Variants in USP34 observed in about 807,000 individuals in gnomAD.
USP34 encodes ubiquitin specific peptidase 34.
USP34 carries 70 observed loss-of-function variants against 460.3 expected under a neutral mutation model. The ratio of observed to expected loss-of-function variants is 0.15; its 90% CI spans 0.13 to 0.19. USP34 has a LOEUF of 0.19. Ranked by LOEUF, USP34 falls within the 10% of genes least tolerant of loss-of-function variation. The probability of loss-of-function intolerance (pLI) is 1.00; values close to 1 mark genes in which losing one functional copy is unlikely to be tolerated. For missense variants in USP34, 3,985 were observed against 4,236.2 expected, an observed-to-expected ratio of 0.94 and a Z score of 1.65; for synonymous variants, 1,647 against 1,405.3, an observed-to-expected ratio of 1.17 and a Z score of -3.85.
chr2:61,339,487 A>G lies in USP34; in HGVS notation c.2617-9T>C. 6.4e-7 allele frequency: 1 copy of G among 1,562,286 alleles called. No individual in the cohort carries two copies. The highest frequency in any genetic ancestry group is 8.6e-7 in the Non-Finnish European group (1 of 1,156,884). On this transcript the variant is annotated splice_polypyrimidine_tract_variant and intron_variant, in intron 17 of 79. Coordinates refer to ENST00000398571, the MANE Select transcript of USP34 (RefSeq NM_014709.4). ...CCTTCAGAAAGATTAACCTATAAAA[A>G]ATGTATATAAAATTACTATTTATCC...
rs1690697565 is a variant in USP34, at chr2:61,314,914, G to A, written c.3343C>T (p.Arg1115Ter). ...ALRAQSGDVS[R>*]AAIQYINSYY... ...GAGTTAATATACTGGATAGCTGCTC[G>A]ACTGACATCACCAGATTGTGCTCTT... The change falls in exon 24 of 80, where the codon CGA (arginine) becomes TGA (stop). Residue 1115 changes from arginine (R) to a stop codon, truncating the protein, a stop_gained. Coordinates refer to ENST00000398571, the MANE Select transcript of USP34 (RefSeq NM_014709.4). LOFTEE classifies it high-confidence loss of function. 1 of 1,613,566 alleles carries A rather than the reference G, an allele frequency of 6.2e-7. No individual in the cohort carries two copies.
chr2:61,283,499 A>C (rs1271551467), intron 35 of USP34, 50 bp from the exon 36 acceptor site: 1 of 1,551,794 alleles, frequency 6.4e-7, no homozygotes, highest in Non-Finnish European at 8.7e-7. Context: ...CAATGAATTA[A>C]AAATAATTCA....
At chr2:61,331,622 CTAATT>C (rs1691266025) in intron 19 of USP34, among the ~76,000 whole-genome samples, 1 of 151,872 alleles carries the variant, frequency 6.6e-6, no homozygotes, top group Non-Finnish European at 1.5e-5. Flanking sequence ...TTATCAATGA[CTAATT>C]TGAGTTAATA....
chr2:61,283,012 A>T (rs1158537296), intron 37 of USP34, 133 bp downstream of exon 37: 1 of 865,746 alleles, frequency 1.2e-6, no homozygotes, highest in Non-Finnish European at 1.7e-6. Flanking sequence ...TCTAGACCTT[A>T]AAGGATTAAG....
intron 1 of USP34, among the ~76,000 whole-genome samples, chr2:61,450,493 A>G (rs1695239272): frequency 6.6e-6 from 1 of 152,128 alleles, no homozygotes; most frequent in Admixed American, 6.6e-5. Context: ...ATAGTTCACT[A>G]TAGCTGTTAA....
intron 1 of USP34, among the ~76,000 whole-genome samples, chr2:61,440,943 C>G (rs968400411): frequency 6.6e-6 from 1 of 151,288 alleles, no homozygotes; most frequent in African/African-American, 2.4e-5. Flanking sequence ...CTGGCTAACA[C>G]GGTGAAACCC....
chr2:61,346,955 C>G (rs1212228102), intron 15 of USP34, among the ~76,000 whole-genome samples: 2 of 150,598 alleles, frequency 1.3e-5, no homozygotes, highest in Admixed American at 1.3e-4. Context: ...CTGGTCAACA[C>G]GGTGAAACCC....
intron 5 of USP34, among the ~76,000 whole-genome samples, chr2:61,385,368 T>C (rs1028795601): frequency 6.6e-6 from 1 of 151,982 alleles, no homozygotes; most frequent in Admixed American, 6.6e-5. Context: ...GGTCCAAGAA[T>C]AGCTAAAACT....
At chr2:61,409,407 A>G (rs968121809) in intron 2 of USP34, among the ~76,000 whole-genome samples, 6 of 152,080 alleles carry the variant, frequency 3.9e-5, no homozygotes, top group African/African-American at 1.4e-4. Context: ...GATTCAGCCA[A>G]ACTTACTTTT....
intron 1 of USP34, among the ~76,000 whole-genome samples, chr2:61,423,913 T>C (rs1694435594): frequency 6.6e-6 from 1 of 152,202 alleles, no homozygotes; most frequent in Non-Finnish European, 1.5e-5. Flanking sequence ...GATATGATCA[T>C]GCCACTGACT....
chr2:61,437,108 A>G (rs1263493739), intron 1 of USP34, among the ~76,000 whole-genome samples: 1 of 152,220 alleles, frequency 6.6e-6, no homozygotes, highest in Non-Finnish European at 1.5e-5. Flanking sequence ...AAAGATTTCA[A>G]ACAACCAATG....
chr2:61,288,696 T>C lies in USP34; in HGVS notation c.4730A>G (p.His1577Arg), dbSNP rs1219807597. The change falls in exon 34 of 80, where the codon CAT becomes CGT. Residue 1577 changes from histidine to arginine, a missense_variant. Coordinates refer to ENST00000398571, the MANE Select transcript of USP34 (RefSeq NM_014709.4). ...KAAGDHAKGL[H>R]IPRLTEVFLV... Reference sequence around the variant, plus strand: ...CTTTACCTCTGTTAATCGTGGTATATGAAGACCCTTAGCATGATCACCAGC... The same window carrying C: ...CTTTACCTCTGTTAATCGTGGTATACGAAGACCCTTAGCATGATCACCAGC... 4.3e-6 allele frequency: 7 copies of C among 1,613,936 alleles called. No individual in the cohort carries two copies. The highest frequency in any genetic ancestry group is 5.1e-6 in the Non-Finnish European group (6 of 1,179,912).
At chr2:61,266,670 T>C (rs143819804) in intron 41 of USP34, among the ~76,000 whole-genome samples, 14 of 152,314 alleles carry the variant, frequency 9.2e-5, no homozygotes, top group African/African-American at 3.4e-4. Context: ...TCTTTTCTAA[T>C]TGGTCCTTTG....
chr2:61,365,027 G>T (rs1692388440), intron 10 of USP34, among the ~76,000 whole-genome samples: 1 of 152,054 alleles, frequency 6.6e-6, no homozygotes, highest in African/African-American at 2.4e-5. Flanking sequence ...ATCAAGGCAG[G>T]CAGATCACAA....
intron 10 of USP34, among the ~76,000 whole-genome samples, chr2:61,357,710 G>C (rs886961785): frequency 6.6e-6 from 1 of 152,174 alleles, no homozygotes; most frequent in South Asian, 2.1e-4. Context: ...ATACCAACCT[G>C]AGCAACACGG....
rs151096546 is a variant in USP34 at position 61,195,944 on chromosome 2, T to C, written c.9509-2964A>G. Among the ~76,000 whole-genome samples, 80 of 152,016 alleles carry C rather than the reference T, an allele frequency of 5.3e-4. 1 individual carries two copies. The highest frequency in any genetic ancestry group is 1.7e-3 in the African/African-American group (72 of 41,456). On this transcript the variant is annotated intron_variant, in intron 75 of 79. Transcript: ENST00000398571. ...TTTTTGAGACAAGGTCTGGCTCTTA[T>C]CACCCACGCTGGAGGACAGTGGCAC... is the stretch of plus-strand genomic sequence containing the variant.
Position 61,188,059 on chromosome 2 carries a change from GT to G in USP34, c.*42del. The G allele has an allele frequency of 6.3e-7, 1 of 1,575,566 alleles. No individual in the cohort carries two copies. On this transcript the variant is annotated 3_prime_UTR_variant, in exon 80 of 80. Transcript: ENST00000398571. ...CAAAACTTATACAAACAGCATGGGG[GT>G]TGGGGGTGAGGGACTTAAAAGTAGA...
At position 61,190,536 on chromosome 2, in the gene USP34, C is replaced by A; in HGVS notation, c.9711G>T (p.Met3237Ile). 1 of 1,613,814 alleles carries A rather than the reference C, an allele frequency of 6.2e-7. No individual in the cohort carries two copies. Among genetic ancestry groups the A allele is most frequent in the South Asian group, 1.1e-5 (1 of 90,940 alleles). ...FLNNNIVYTFMTHFLLKVQSQ... is the reference protein window; with the variant it reads ...FLNNNIVYTFITHFLLKVQSQ... Reference sequence around the variant, plus strand: ...TACGTACCTTTAGAAGGAAATGTGTCATGAACGTGTAGACAATGTTGTTGT... The same window carrying A: ...TACGTACCTTTAGAAGGAAATGTGTAATGAACGTGTAGACAATGTTGTTGT... Residue 3237 changes from methionine (M) to isoleucine (I), a missense_variant, in exon 77 of 80, where the codon ATG (methionine) becomes ATT (isoleucine). Physicochemically the swap from Met to Ile is conservative, Grantham distance 10. This residue lies in a region of USP34 where 506 missense variants were observed against 439.0 expected (regional missense o/e 1.15). Transcript: ENST00000398571.
chr2:61,242,366 C>A (rs1478999636), intron 51 of USP34, among the ~76,000 whole-genome samples: 1 of 151,882 alleles, frequency 6.6e-6, no homozygotes, highest in Non-Finnish European at 1.5e-5. Context: ...TCAGTACACA[C>A]TTTAAGCAAT....
Sources: allele counts gnomAD v4.1 joint callset (sites outside exome capture counted in the v4.1 genomes callset), GRCh38; gene constraint gnomAD v4.1.1; regional missense constraint gnomAD v4.1.1; transcripts MANE v1.5; gene names NCBI Gene and HGNC (gene_info 2026-07-23, HGNC 2026-07-21).